Variants in ALK observed in about 807,000 individuals in gnomAD.
ALK encodes the protein ALK tyrosine kinase receptor.
ALK carries 74 observed loss-of-function variants against 163.1 expected under a neutral mutation model. The observed-to-expected ratio is 0.45, with a 90% CI of 0.38 to 0.55. ALK has a LOEUF of 0.55. Among genes scored for constraint, ALK ranks in the 20% least tolerant of loss-of-function variants. The pLI, the probability that ALK is intolerant of heterozygous loss-of-function variation, is 0.00. For missense variants in ALK, 2,063 were observed against 2,105.3 expected, an observed-to-expected ratio of 0.98 and a Z score of 0.39; for synonymous variants, 960 against 843.2, an observed-to-expected ratio of 1.14 and a Z score of -2.40.
At chr2:29,215,868 G>T (rs147347988) in intron 23 of ALK, among the ~76,000 whole-genome samples, 194 of 152,336 alleles carry the variant, frequency 1.3e-3, no homozygotes, top group African/African-American at 4.4e-3. Flanking sequence ...CTCAGAGCCA[G>T]TTTCATCTGT....
intron 9 of ALK, 114 bp downstream of exon 9, chr2:29,296,746 TGCGTGCACGCGCACATATCGGTGTGTGG>T: frequency 3.5e-6 from 3 of 857,050 alleles, no homozygotes; most frequent in Non-Finnish European, 3.8e-6. Flanking sequence ...TGTGTGCACG[TGCGTGCACGCGCACATATCGGTGTGTGG>T]GCACATCTGC....
At chr2:29,410,930 G>A (rs1416667073) in intron 4 of ALK, among the ~76,000 whole-genome samples, 3 of 152,144 alleles carry the variant, frequency 2.0e-5, no homozygotes, top group Non-Finnish European at 4.4e-5. Context: ...TTAGCTTACT[G>A]TAACTTTGTT....
Position 29,326,759 on chromosome 2 carries a change from T to C in ALK, c.1414+1591A>G, listed in dbSNP as rs540795757. Among the ~76,000 whole-genome samples the C allele has an allele frequency of 9.2e-5, 14 of 152,348 alleles. No homozygotes were observed. The South Asian group carries it at 2.5e-3, about 27-fold the overall frequency. ...ATGGGAAAATGAATGTCTTTATTGC[T>C]TAATTTAAATGAGAATAAATGAAAC... On this transcript the variant is annotated intron_variant, in intron 6 of 28. Coordinates refer to ENST00000389048, the MANE Select transcript of ALK (RefSeq NM_004304.5).
intron 1 of ALK, among the ~76,000 whole-genome samples, chr2:29,754,551 G>A (rs1338323150): frequency 6.6e-6 from 1 of 152,114 alleles, no homozygotes; most frequent in Non-Finnish European, 1.5e-5. Context: ...TTAATCAGAT[G>A]TGGTGGTGCA....
intron 1 of ALK, among the ~76,000 whole-genome samples, chr2:29,744,515 T>A (rs963343709): frequency 6.6e-6 from 1 of 152,184 alleles, no homozygotes; most frequent in Admixed American, 6.5e-5. Flanking sequence ...GGCTGGGGGC[T>A]GGAATCATCT....
chr2:29,411,462 G>A (rs920383208), intron 4 of ALK, among the ~76,000 whole-genome samples: 2 of 151,592 alleles, frequency 1.3e-5, no homozygotes, highest in Admixed American at 6.6e-5. Flanking sequence ...TGGAATCCAT[G>A]TTTTCAAACC....
At chr2:29,415,861 C>A (rs1669863617) in intron 4 of ALK, among the ~76,000 whole-genome samples, 1 of 152,292 alleles carries the variant, frequency 6.6e-6, no homozygotes, top group Middle Eastern at 3.4e-3. Flanking sequence ...CCTTTTCTTG[C>A]CCTTGGACAT....
At chr2:29,865,867 G>C (rs1367308936) in intron 1 of ALK, among the ~76,000 whole-genome samples, 2 of 152,126 alleles carry the variant, frequency 1.3e-5, no homozygotes, top group East Asian at 3.9e-4. Flanking sequence ...CATATTGCCA[G>C]TAAGACAGGA....
At chr2:29,589,660 T>C (rs534178443) in intron 3 of ALK, among the ~76,000 whole-genome samples, 12 of 152,316 alleles carry the variant, frequency 7.9e-5, no homozygotes, top group Admixed American at 2.0e-4. Context: ...TCCAAAATCA[T>C]TGGCTAACTC....
At chr2:29,886,621 G>C (rs951997317) in intron 1 of ALK, among the ~76,000 whole-genome samples, 4 of 152,230 alleles carry the variant, frequency 2.6e-5, no homozygotes, top group African/African-American at 7.2e-5. Context: ...GTGGTCAAGT[G>C]CATCTCAGTC....
Position 29,220,802 on chromosome 2 carries a change from A to C in ALK, c.3549T>G (p.Ile1183Met), listed in dbSNP as rs1573120422. Residue 1183 changes from isoleucine to methionine, a missense_variant, in exon 23 of 29, where the codon ATT (isoleucine) becomes ATG (methionine). Coordinates refer to ENST00000389048, the MANE Select transcript of ALK (RefSeq NM_004304.5). ...GGGGCAGGGATTGCAGGCTCACCCC[A>C]ATGCAGCGAACAATGTTCTGGTGGT... Reference protein sequence around the residue: ...KFNHQNIVRCIGVSLQSLPRF... With the variant: ...KFNHQNIVRCMGVSLQSLPRF... The C allele has an allele frequency of 6.2e-7, 1 of 1,614,042 alleles. No individual in the cohort carries two copies. The highest frequency in any genetic ancestry group is 8.5e-7 in the Non-Finnish European group (1 of 1,179,962).
chr2:29,286,472 T>C (rs879450667), intron 9 of ALK: 9 of 152,092 alleles, frequency 5.9e-5, no homozygotes, highest in Non-Finnish European at 1.0e-4. Context: ...CTGGTCCCAA[T>C]ATGTCATCTG....
chr2:29,376,516 T>C (rs6751302), intron 5 of ALK, among the ~76,000 whole-genome samples: 15,562 of 152,278 alleles, frequency 0.1, 894 homozygotes, highest in East Asian at 0.17. Context: ...ATATTAATGT[T>C]AGCATGTACC....
chr2:29,406,456 G>A (rs1444683768), intron 4 of ALK, among the ~76,000 whole-genome samples: 2 of 152,188 alleles, frequency 1.3e-5, no homozygotes, highest in African/African-American at 4.8e-5. Context: ...TTTGCCTTCA[G>A]TAAACAGGTT....
chr2:29,386,082 C>T (rs1334019183), intron 4 of ALK, among the ~76,000 whole-genome samples: 1 of 152,208 alleles, frequency 6.6e-6, no homozygotes, highest in Admixed American at 6.5e-5. Context: ...TAAGACCATC[C>T]ACCATCTCTT....
chr2:29,197,495 G>C (rs1257155256), intron 27 of ALK, 47 bp downstream of exon 27: 1 of 1,607,418 alleles, frequency 6.2e-7, no homozygotes, highest in Non-Finnish European at 8.5e-7. Flanking sequence ...TTTTTGAAAA[G>C]AAAAACTGCT....
chr2:29,227,687 A>G lies in ALK; in HGVS notation c.2816-15T>C. The G allele has an allele frequency of 6.2e-7, 1 of 1,610,762 alleles. No homozygotes were observed. Among genetic ancestry groups the G allele is most frequent in the Non-Finnish European group, 8.5e-7 (1 of 1,177,410 alleles). ...TGCATTGCCGCCTGAGTAGCAAACC[A>G]GAGCAGAGTTTAACATGGGGGGTGG... On this transcript the variant is annotated splice_polypyrimidine_tract_variant and intron_variant, in intron 16 of 28. Transcript: ENST00000389048. This position sits in a 1 kb window ranked among gnomAD's most constrained non-coding sequence, Gnocchi z 4.4.
intron 1 of ALK, among the ~76,000 whole-genome samples, chr2:29,747,623 A>G (rs1573603511): frequency 1.3e-5 from 2 of 152,350 alleles, no homozygotes; most frequent in African/African-American, 4.8e-5. Context: ...CACAGAGTGA[A>G]TGCTCAATAA....
intron 1 of ALK, among the ~76,000 whole-genome samples, chr2:29,918,247 T>G (rs966157667): frequency 4.6e-5 from 7 of 152,224 alleles, no homozygotes; most frequent in African/African-American, 1.4e-4. Context: ...ACTGCTGGAT[T>G]CTATGGTCAT....
Sources: gnomAD v4.1 joint callset for allele counts (sites outside exome capture counted in the v4.1 genomes callset) on GRCh38, gnomAD v4.1.1 for gene constraint, Gnocchi (gnomAD v3.1) non-coding constraint, MANE v1.5 for transcripts, NCBI Gene and HGNC (gene_info 2026-07-23, HGNC 2026-07-21) for gene names.